The following LTN1 variants were observed in gnomAD, a reference collection of about 807,000 sequenced individuals.
The protein encoded by LTN1 is E3 ubiquitin-protein ligase listerin.
Under a neutral mutation model 201.2 loss-of-function variants are expected in LTN1, and 88 were observed. The ratio of observed to expected loss-of-function variants is 0.44; its 90% CI spans 0.37 to 0.52. LTN1 has a LOEUF of 0.52. Among genes scored for constraint, LTN1 ranks in the 20% least tolerant of loss-of-function variants. The pLI, the probability that LTN1 is intolerant of heterozygous loss-of-function variation, is 0.00. For missense variants in LTN1, 1,752 were observed against 2,038.7 expected (o/e 0.86, Z 2.71); for synonymous variants, 645 against 713.5 (o/e 0.90, Z 1.53).
intron 18 of LTN1, among the ~76,000 whole-genome samples, chr21:28,951,019 T>A (rs1388601202): frequency 4.6e-5 from 7 of 151,924 alleles, no homozygotes; most frequent in Non-Finnish European, 8.8e-5. Flanking sequence ...ACACGCACAC[T>A]CTGTCTCTCA....
At chr21:28,987,838 T>A (rs2084710136) in intron 1 of LTN1, among the ~76,000 whole-genome samples, 1 of 152,186 alleles carries the variant, frequency 6.6e-6, no homozygotes, top group Non-Finnish European at 1.5e-5. Flanking sequence ...GTTATCCAAA[T>A]GTGTGATTCA....
At chr21:28,934,184 T>C (rs2084235573) in intron 27 of LTN1, among the ~76,000 whole-genome samples, 1 of 152,214 alleles carries the variant, frequency 6.6e-6, no homozygotes, top group African/African-American at 2.4e-5. Context: ...TTTATTAGAC[T>C]GTATGTTATT....
chr21:28,984,854 T>C lies in LTN1; in HGVS notation c.414A>G (p.Lys138=), dbSNP rs746267810. ...AFEKLILKVK[K]QLAPYLKSLM... is the part of the protein sequence containing the mutation. ...AACTTTTTAAGTAGGGAGCCAACTG[T>C]TTCTTTACTTTAAGGATAAGTTTTT... The change falls in exon 4 of 30, where the codon AAA becomes AAG. Residue 138 remains lysine, a synonymous_variant. Coordinates refer to ENST00000361371, the MANE Select transcript of LTN1 (RefSeq NM_015565.3). 8 of 1,614,006 alleles carry C rather than the reference T, an allele frequency of 5.0e-6. No homozygotes were observed. In the Admixed American group the frequency reaches 1.2e-4, roughly 24 times the overall value.
rs774512753 is a variant in LTN1 at position 28,932,486 on chromosome 21, G to C, written c.5054C>G (p.Thr1685Ser). 1 of 1,613,722 alleles carries C rather than the reference G, an allele frequency of 6.2e-7. No individual in the cohort carries two copies. Among genetic ancestry groups the C allele is most frequent in the South Asian group, 1.1e-5 (1 of 91,058 alleles). Residue 1685 changes from threonine to serine, a missense_variant, in exon 28 of 30, where the codon ACT becomes AGT. Around this residue, in one of 3 missense-constraint regions of LTN1, gnomAD observed 261 missense variants for 350.1 expected, o/e 0.75. Coordinates refer to ENST00000361371, the MANE Select transcript of LTN1 (RefSeq NM_015565.3). ...QWRNWMLQLS[T>S]YLTHQNGSIM... ...GAAACTTACCTGATGGGTGAGGTAA[G>C]TGCTTAACTGCAGCATCCAGTTCCG...
At chr21:28,933,780 A>G (rs2705651) in intron 27 of LTN1, among the ~76,000 whole-genome samples, 151,586 of 151,586 alleles carry the variant, frequency 1, 75,793 homozygotes, top group Non-Finnish European at 1. Context: ...GGGTTCAAAA[A>G]ATTCTCCTAC....
intron 19 of LTN1, among the ~76,000 whole-genome samples, chr21:28,946,895 T>C (rs554663761): frequency 2.6e-5 from 4 of 152,320 alleles, no homozygotes; most frequent in South Asian, 4.1e-4. Flanking sequence ...ACTATGTCCA[T>C]ATGGAAAACT....
intron 9 of LTN1, among the ~76,000 whole-genome samples, chr21:28,968,633 G>T (rs1326600720): frequency 6.6e-6 from 1 of 150,726 alleles, no homozygotes; most frequent in Non-Finnish European, 1.5e-5. Context: ...TTTTTTCTGA[G>T]ATGGAGTTTC....
intron 12 of LTN1, among the ~76,000 whole-genome samples, chr21:28,960,141 C>T (rs141408301): frequency 6.6e-6 from 1 of 152,038 alleles, no homozygotes; most frequent in Non-Finnish European, 1.5e-5. Flanking sequence ...CTGAGGCAGA[C>T]AGATCACCTG....
intron 25 of LTN1, among the ~76,000 whole-genome samples, chr21:28,939,553 C>T (rs2084281605): frequency 6.6e-6 from 1 of 152,086 alleles, no homozygotes; most frequent in Non-Finnish European, 1.5e-5. Context: ...CTGTTTATTT[C>T]AGGATTCATC....
chr21:28,947,506 C>T lies in LTN1; in HGVS notation c.3445G>A (p.Ala1149Thr). ...KKEFSAQCIP[A>T]LLGWTKKDLC... is the part of the protein sequence containing the mutation. Reference sequence around the variant, plus strand: ...TCTTTCTTAGTCCAGCCCAAAAGAGCAGGTATACATTGAGCACTAAATTCT... The same window carrying T: ...TCTTTCTTAGTCCAGCCCAAAAGAGTAGGTATACATTGAGCACTAAATTCT... Residue 1149 changes from alanine (A) to threonine (T), a missense_variant, in exon 19 of 30, where the codon GCT becomes ACT. This residue lies in a region of LTN1 where 1,211 missense variants were observed against 1,312.8 expected (regional missense o/e 0.92). Coordinates refer to ENST00000361371, the MANE Select transcript of LTN1 (RefSeq NM_015565.3). 1 of 1,572,786 alleles carries T rather than the reference C, an allele frequency of 6.4e-7. No homozygotes were observed. Among genetic ancestry groups the T allele is most frequent in the Non-Finnish European group, 8.6e-7 (1 of 1,161,794 alleles).
chr21:28,984,728 A>G lies in LTN1; in HGVS notation c.540T>C (p.Pro180=), dbSNP rs180777760. 4 of 1,614,036 alleles carry G rather than the reference A, an allele frequency of 2.5e-6. No homozygotes were observed. Among genetic ancestry groups the G allele is most frequent in the Admixed American group, 1.7e-5 (1 of 60,026 alleles). Residue 180 remains proline, a synonymous_variant, in exon 4 of 30, where the codon CCT becomes CCC. Transcript: ENST00000361371. ...FEAAFPPSKQ[P]EAIAFCKDEI... Reference sequence around the variant, plus strand: ...CATCCTTACAAAATGCTATGGCTTCAGGTTGCTTGCTTGGAGGAAAAGCCG... The same window carrying G: ...CATCCTTACAAAATGCTATGGCTTCGGGTTGCTTGCTTGGAGGAAAAGCCG...
chr21:28,966,682 A>G lies in LTN1; in HGVS notation c.1809T>C (p.Asn603=), dbSNP rs772761777. Residue 603 remains asparagine, a synonymous_variant, in exon 10 of 30, where the codon AAT becomes AAC. Coordinates refer to ENST00000361371, the MANE Select transcript of LTN1 (RefSeq NM_015565.3). ...GCTCTGACTTTCGTTCATTGACATAATTAATACTTATATCTGCGAGTTTAC... is the reference window on the plus strand; with the variant it reads ...GCTCTGACTTTCGTTCATTGACATAGTTAATACTTATATCTGCGAGTTTAC... The part of the protein sequence containing the change: ...LVCKLADISI[N]YVNERKSEQH... The G allele has an allele frequency of 6.2e-7, 1 of 1,614,046 alleles. No individual in the cohort carries two copies. Among genetic ancestry groups the G allele is most frequent in the Admixed American group, 1.7e-5 (1 of 60,010 alleles).
In LTN1 at chr21:28,966,918, G is replaced by A. The variant is rs267606092; in HGVS notation, c.1573C>T (p.Pro525Ser). ...TTACTTGACTTCAATGAGCTCTTCG[G>A]CTTCTGAAGCACCTGTAATAGGTTA... Reference protein sequence around the residue: ...VSNLLQVLQKPKSSLKSSKKK... With the variant: ...VSNLLQVLQKSKSSLKSSKKK... Residue 525 changes from proline to serine, a missense_variant, in exon 10 of 30, where the codon CCG (proline) becomes TCG (serine). Transcript: ENST00000361371. 1.9e-6 allele frequency: 3 copies of A among 1,612,808 alleles called. No homozygotes were observed. The highest frequency in any genetic ancestry group is 1.7e-5 in the Admixed American group (1 of 59,742).
In LTN1 at chr21:28,966,403, C is replaced by T. The variant is rs369102162; in HGVS notation, c.2088G>A (p.Met696Ile). ...GATCATCCAAGACTTTTTTTCTTTC[C>T]ATATCATTGTCACAGCACCGGAGAG... ...YSALRCCDNDMERKKVLDDLT... is the reference protein window; with the variant it reads ...YSALRCCDNDIERKKVLDDLT... Residue 696 changes from methionine (M) to isoleucine (I), a missense_variant, in exon 10 of 30, where the codon ATG becomes ATA. By Grantham distance (10) the Met-to-Ile change is conservative. Coordinates refer to ENST00000361371, the MANE Select transcript of LTN1 (RefSeq NM_015565.3). 1.3e-5 allele frequency: 21 copies of T among 1,604,536 alleles called. No individual in the cohort carries two copies. The Admixed American group carries it at 1.7e-4, about 13-fold the overall frequency.
intron 13 of LTN1, 115 bp downstream of exon 13, chr21:28,959,343 T>C (rs1417857894): frequency 1.6e-5 from 20 of 1,278,550 alleles, no homozygotes; most frequent in South Asian, 7.6e-5. Flanking sequence ...TTACTCAAAA[T>C]GCTTTAAACT....
intron 1 of LTN1, among the ~76,000 whole-genome samples, chr21:28,987,496 A>ACACTCATT (rs1403196733): frequency 1.3e-5 from 2 of 152,204 alleles, no homozygotes; most frequent in Non-Finnish European, 2.9e-5. Context: ...GAGAGTGGAT[A>ACACTCATT]CACTCATTTC....
Position 28,931,318 on chromosome 21 carries a change from C to T in LTN1, c.5075G>A (p.Gly1692Glu), listed in dbSNP as rs752527193. 6.3e-7 allele frequency: 1 copy of T among 1,588,426 alleles called. No homozygotes were observed. The highest frequency in any genetic ancestry group is 1.8e-5 in the Admixed American group (1 of 55,654). ...TAAAGCTAAGCCTTCCATAATACTT[C>T]CATTCTGTTAACAAGAAGAAAAATA... ...QLSTYLTHQN[G>E]SIMEGLALWK... Residue 1692 changes from glycine to glutamate, a missense_variant, in exon 29 of 30, where the codon GGA becomes GAA. Gly to Glu is a moderately conservative substitution (Grantham distance 98). Transcript: ENST00000361371.
rs2084472773 is a variant in LTN1, at chr21:28,960,904, T to C, written c.2164-198A>G. 1.2e-5 allele frequency: 5 copies of C among 408,896 alleles called. No individual in the cohort carries two copies. In the South Asian group the frequency reaches 2.3e-4, roughly 19 times the overall value. 25.3% of individuals were successfully genotyped at this position (408,896 alleles called of 1,614,324 possible). A position where few individuals can be genotyped will look rare whatever the true frequency, so the allele number is the denominator to read the frequency against. ...GCCTGTATGATGTTCACTTCCACGC[T>C]TTGCTGTTACCTTCCCAGCCATAAA... is the stretch of plus-strand genomic sequence containing the variant. On this transcript the variant is annotated intron_variant, in intron 11 of 29. Transcript: ENST00000361371.
intron 6 of LTN1, among the ~76,000 whole-genome samples, chr21:28,973,875 A>C (rs1004220347): frequency 3.3e-5 from 5 of 152,214 alleles, no homozygotes; most frequent in Admixed American, 1.3e-4. Context: ...TTAAAGTTGT[A>C]CATATACGGT....
Sources: gnomAD v4.1 joint callset for allele counts (sites outside exome capture counted in the v4.1 genomes callset) on GRCh38, gnomAD v4.1.1 for gene constraint, gnomAD v4.1.1 regional missense constraint, MANE v1.5 for transcripts, NCBI Gene and HGNC (gene_info 2026-07-23, HGNC 2026-07-21) for gene names.